Variants in AGPS observed in about 807,000 individuals in gnomAD.
The protein encoded by AGPS is alkyldihydroxyacetonephosphate synthase, peroxisomal.
In AGPS, 26 loss-of-function variants were observed where a neutral mutation model predicts 90.7. The ratio of observed to expected loss-of-function variants is 0.29; its 90% CI spans 0.21 to 0.40. The LOEUF (loss-of-function observed/expected upper bound fraction) is 0.40, where lower values mean the gene tolerates loss of function less well. Among genes scored for constraint, AGPS ranks in the 10% least tolerant of loss-of-function variants. The probability of loss-of-function intolerance (pLI) is 1.00; values close to 1 mark genes in which losing one functional copy is unlikely to be tolerated. For synonymous variants in AGPS, 294 were observed against 285.3 expected, an observed-to-expected ratio of 1.03 and a Z score of -0.31; for missense variants, 540 against 816.1, an observed-to-expected ratio of 0.66 and a Z score of 4.12.
chr2:177,407,780 A>G (rs1044533399), intron 1 of AGPS, among the ~76,000 whole-genome samples: 1 of 143,072 alleles, frequency 7.0e-6, no homozygotes, highest in East Asian at 2.0e-4. Context: ...TTTAATAGAG[A>G]AAACAAATTT....
At chr2:177,393,324 C>T in intron 1 of AGPS, 2 of 985,342 alleles carry the variant, frequency 2.0e-6, no homozygotes, top group Non-Finnish European at 2.4e-6. Flanking sequence ...ATTCCTTTTT[C>T]CTGAGCTTTT....
Position 177,538,360 on chromosome 2 carries a change from T to A in AGPS, c.*165T>A, listed in dbSNP as rs886055169. The A allele has an allele frequency of 2.8e-6, 2 of 719,668 alleles. No individual in the cohort carries two copies. Among genetic ancestry groups the A allele is most frequent in the Non-Finnish European group, 4.5e-6 (2 of 443,466 alleles). 44.6% of individuals were successfully genotyped at this position (719,668 alleles called of 1,614,324 possible). ...GTAGTTTGTTTTGTTTCTACATCTATGGATTGACAGATAGTATTCCTAAAT... is the reference window on the plus strand; with the variant it reads ...GTAGTTTGTTTTGTTTCTACATCTAAGGATTGACAGATAGTATTCCTAAAT... On this transcript the variant is annotated 3_prime_UTR_variant, in exon 20 of 20. Coordinates refer to ENST00000264167, the MANE Select transcript of AGPS (RefSeq NM_003659.4).
At position 177,536,466 on chromosome 2, in the gene AGPS, T is replaced by G. The variant is rs116616832; in HGVS notation, c.1856-1608T>G. On this transcript the variant is annotated intron_variant, in intron 19 of 19. Coordinates refer to ENST00000264167, the MANE Select transcript of AGPS (RefSeq NM_003659.4). ...GGAAAAAACTGATTTTTAACTTTTTTAAAAAGTGCTTAAAATCATAGAATA... is the reference window on the plus strand; with the variant it reads ...GGAAAAAACTGATTTTTAACTTTTTGAAAAAGTGCTTAAAATCATAGAATA... Among the ~76,000 whole-genome samples, 704 of 152,178 alleles carry G rather than the reference T, an allele frequency of 4.6e-3. 4 individuals are homozygous for G. The highest frequency in any genetic ancestry group is 0.016 in the African/African-American group (664 of 41,526).
chr2:177,410,470 C>G (rs1685587626), intron 1 of AGPS, among the ~76,000 whole-genome samples: 1 of 152,176 alleles, frequency 6.6e-6, no homozygotes, highest in Admixed American at 6.5e-5. Context: ...TATATTTACC[C>G]TTTTTCCTTC....
At chr2:177,507,783 TTAG>T in intron 15 of AGPS, among the ~76,000 whole-genome samples, 184 bp from the exon 16 acceptor site, 1 of 152,236 alleles carries the variant, frequency 6.6e-6, no homozygotes. Flanking sequence ...CAAGGTTCCT[TTAG>T]TTACGGAGGC....
At position 177,538,973 on chromosome 2, in the gene AGPS, G is replaced by C. The variant is rs2079207992; in HGVS notation, c.*778G>C. ...GTGAAGAACAGGTTTACCATGAAAT[G>C]AATGCCTTTATTCAACTTAGAGTCC... On this transcript the variant is annotated 3_prime_UTR_variant, in exon 20 of 20. Transcript: ENST00000264167. 6.6e-6 allele frequency: 1 copy of C among 152,022 alleles called. No homozygotes were observed. The highest frequency in any genetic ancestry group is 1.5e-5 in the Non-Finnish European group (1 of 67,954). 9.4% of individuals were successfully genotyped at this position (152,022 alleles called of 1,614,324 possible). A position where few individuals can be genotyped will look rare whatever the true frequency, so the allele number is the denominator to read the frequency against.
In AGPS at chr2:177,494,990, G is replaced by A. The variant is rs569206749; in HGVS notation, c.1285+1791G>A. Among the ~76,000 whole-genome samples the A allele has an allele frequency of 3.9e-5, 6 of 152,194 alleles. No individual in the cohort carries two copies. The East Asian group carries it at 1.2e-3, about 29-fold the overall frequency. On this transcript the variant is annotated intron_variant, in intron 12 of 19. Coordinates refer to ENST00000264167, the MANE Select transcript of AGPS (RefSeq NM_003659.4). Reference sequence around the variant, plus strand: ...GATTGGTCGGTGTTTATACCACATTGGTTGTTAACAAAGCACATGCCATAT... The same window carrying A: ...GATTGGTCGGTGTTTATACCACATTAGTTGTTAACAAAGCACATGCCATAT...
intron 10 of AGPS, among the ~76,000 whole-genome samples, chr2:177,477,799 C>A (rs899601455): frequency 6.6e-6 from 1 of 152,086 alleles, no homozygotes; most frequent in African/African-American, 2.4e-5. Flanking sequence ...TTCTTTTGTG[C>A]TAGTATTGGC....
chr2:177,436,461 A>C (rs1482925774), intron 3 of AGPS, among the ~76,000 whole-genome samples: 1 of 152,078 alleles, frequency 6.6e-6, no homozygotes, highest in Non-Finnish European at 1.5e-5. Context: ...GAAATGCTAA[A>C]TTTTATCGAC....
At chr2:177,472,303 G>A (rs10194648) in intron 10 of AGPS, among the ~76,000 whole-genome samples, 96,378 of 150,182 alleles carry the variant, frequency 0.64, 32,754 homozygotes, top group Admixed American at 0.75. Context: ...GTTTTAATTT[G>A]AATCTATTTT....
intron 12 of AGPS, 28 bp downstream of exon 12, chr2:177,493,227 G>T (rs755499685): frequency 9.5e-6 from 15 of 1,582,108 alleles, no homozygotes; most frequent in Non-Finnish European, 1.2e-5. Context: ...ATTTTAAAAT[G>T]TCATTTAGCC....
chr2:177,501,551 A>G (rs1291503918), intron 14 of AGPS, among the ~76,000 whole-genome samples: 1 of 152,124 alleles, frequency 6.6e-6, no homozygotes, highest in African/African-American at 2.4e-5. Flanking sequence ...TATTTTCCTG[A>G]TATCTTTTAT....
rs550457206 is a variant in AGPS at position 177,502,381 on chromosome 2, T to A, written c.1475+2651T>A. On this transcript the variant is annotated intron_variant, in intron 14 of 19. Transcript: ENST00000264167. ...CAACCCAGATTGTTATTTGGCAGAT[T>A]ACTTAGATTACTTAGAGCCATTTCG... Among the ~76,000 whole-genome samples the A allele has an allele frequency of 2.0e-5, 3 of 150,132 alleles. No individual in the cohort carries two copies. The East Asian group carries it at 5.9e-4, about 30-fold the overall frequency.
intron 11 of AGPS, 56 bp from the exon 12 acceptor site, chr2:177,493,092 G>A (rs1302901068): frequency 7.0e-7 from 1 of 1,424,692 alleles, no homozygotes; most frequent in African/African-American, 1.4e-5. Context: ...CATTCTACCT[G>A]TCTAGCTTCT....
At chr2:177,399,175 G>C (rs1685263956) in intron 1 of AGPS, among the ~76,000 whole-genome samples, 1 of 152,208 alleles carries the variant, frequency 6.6e-6, no homozygotes, top group South Asian at 2.1e-4. Context: ...TGCTGTTGTA[G>C]TCAGATGAGA....
chr2:177,468,313 T>G (rs1687516956), intron 9 of AGPS, 103 bp from the exon 10 acceptor site: 1 of 646,540 alleles, frequency 1.5e-6, no homozygotes, highest in African/African-American at 1.8e-5. Flanking sequence ...CTTAACCCAA[T>G]ACTTTAAAAG....
rs1221569492 is a variant in AGPS, at chr2:177,445,531, C to A, written c.790-15C>A. On this transcript the variant is annotated splice_polypyrimidine_tract_variant and intron_variant, in intron 7 of 19. Transcript: ENST00000264167. ...TAGTTCCTGGAGATCAGATTTCTTT[C>A]TTCCTTTGCAACAGAATCGAATTCT... 1 of 1,607,234 alleles carries A rather than the reference C, an allele frequency of 6.2e-7. No individual in the cohort carries two copies. Among genetic ancestry groups the A allele is most frequent in the Non-Finnish European group, 8.5e-7 (1 of 1,173,818 alleles).
intron 1 of AGPS, among the ~76,000 whole-genome samples, chr2:177,414,960 AAAT>A (rs1053744158): frequency 6.6e-6 from 1 of 151,298 alleles, no homozygotes; most frequent in African/African-American, 2.4e-5. Flanking sequence ...AATGCATTAT[AAAT>A]AATATATCTG....
chr2:177,392,873 C>T lies in AGPS; in HGVS notation c.84C>T (p.Asp28=), dbSNP rs1574332722. ...GGTCTGCAGCGGACCGGGACCGGGA[C>T]CCGGACCCGGACCGCGCCGGGCGGA... ...SYGSAADRDR[D]PDPDRAGRRL... Residue 28 remains aspartate, a synonymous_variant, in exon 1 of 20, where the codon GAC becomes GAT. Transcript: ENST00000264167. 1 of 1,551,448 alleles carries T rather than the reference C, an allele frequency of 6.4e-7. No homozygotes were observed. Among genetic ancestry groups the T allele is most frequent in the African/African-American group, 1.4e-5 (1 of 73,222 alleles).
Sources: gnomAD v4.1 joint callset for allele counts (sites outside exome capture counted in the v4.1 genomes callset) on GRCh38, gnomAD v4.1.1 for gene constraint, MANE v1.5 for transcripts, NCBI Gene and HGNC (gene_info 2026-07-23, HGNC 2026-07-21) for gene names.